RIPOR2: variants seen among roughly 807,000 people sequenced by gnomAD.
RIPOR2 encodes rho family-interacting cell polarization regulator 2.
A neutral mutation model predicts 114.5 loss-of-function variants in RIPOR2; 39 were observed. The ratio of observed to expected loss-of-function variants is 0.34; its 90% confidence interval spans 0.26 to 0.44. The LOEUF (loss-of-function observed/expected upper bound fraction) is 0.44, where lower values mean the gene tolerates loss of function less well. RIPOR2 is among the 20% of genes least tolerant of loss of function. RIPOR2 has a pLI of 1.00. For synonymous variants in RIPOR2, 445 were observed against 484.4 expected, an observed-to-expected ratio of 0.92 and a Z score of 1.07; for missense variants, 1,007 against 1,255.1, an observed-to-expected ratio of 0.80 and a Z score of 2.99.
At chr6:24,934,777 A>G (rs896977946) in intron 1 of RIPOR2, among the ~76,000 whole-genome samples, 2 of 152,224 alleles carry the variant, frequency 1.3e-5, no homozygotes, top group African/African-American at 4.8e-5. Context: ...CATAGGCAGC[A>G]TTTGAACAAA....
intron 2 of RIPOR2, among the ~76,000 whole-genome samples, chr6:24,874,436 T>C (rs1340557007): frequency 1.3e-5 from 2 of 152,194 alleles, no homozygotes; most frequent in African/African-American, 4.8e-5. Flanking sequence ...AATCATCTTG[T>C]GTTCACACTA....
intron 1 of RIPOR2, among the ~76,000 whole-genome samples, chr6:24,984,410 C>G (rs532495923): frequency 6.6e-6 from 1 of 152,178 alleles, no homozygotes; most frequent in East Asian, 1.9e-4. Flanking sequence ...AAAGAACCTT[C>G]TAACACACAT....
At chr6:24,983,342 C>T (rs4336436) in intron 1 of RIPOR2, among the ~76,000 whole-genome samples, 151,283 of 152,202 alleles carry the variant, frequency 0.99, 75,186 homozygotes, top group East Asian at 1. Flanking sequence ...AATGACTAAT[C>T]GTAATATATG....
At chr6:25,023,554 C>A in intron 1 of RIPOR2, 1 of 773,064 alleles carries the variant, frequency 1.3e-6, no homozygotes, top group Non-Finnish European at 2.4e-6. Context: ...ATTTCAAGCC[C>A]AGGCCTTGTT....
chr6:24,900,753 G>A (rs79976718), intron 1 of RIPOR2, among the ~76,000 whole-genome samples: 15,885 of 152,198 alleles, frequency 0.1, 1,206 homozygotes, highest in African/African-American at 0.21. Context: ...GTGAGACTCT[G>A]TAGTTTTCTG....
At chr6:25,013,325 G>C (rs532581936) in intron 1 of RIPOR2, among the ~76,000 whole-genome samples, 1 of 152,052 alleles carries the variant, frequency 6.6e-6, no homozygotes, top group Non-Finnish European at 1.5e-5. Context: ...TGAAGACCAC[G>C]GGTGTTCCTT....
chr6:24,870,592 G>A (rs1342866241), intron 5 of RIPOR2, among the ~76,000 whole-genome samples: 1 of 152,048 alleles, frequency 6.6e-6, no homozygotes, highest in Non-Finnish European at 1.5e-5. Flanking sequence ...CTGCTGCCTC[G>A]ACCTCCTGGC....
chr6:24,825,085 A>C, intron 19 of RIPOR2, 141 bp downstream of exon 19: 1 of 646,890 alleles, frequency 1.5e-6, no homozygotes, highest in Non-Finnish European at 2.6e-6. Context: ...ATATTTCTTT[A>C]GTTTTGATTG....
At chr6:24,976,418 C>T in intron 1 of RIPOR2, 1 of 1,542,652 alleles carries the variant, frequency 6.5e-7, no homozygotes, top group South Asian at 1.1e-5. Context: ...TGCTATTAGC[C>T]ATGGTCAACC....
intron 8 of RIPOR2, among the ~76,000 whole-genome samples, chr6:24,855,865 C>G (rs1264819266): frequency 6.6e-6 from 1 of 152,152 alleles, no homozygotes; most frequent in Non-Finnish European, 1.5e-5. Flanking sequence ...GAGACCCTAT[C>G]TCTACGAAAA....
intron 1 of RIPOR2, among the ~76,000 whole-genome samples, chr6:25,039,627 ATT>A (rs2113779996): frequency 6.6e-6 from 1 of 152,320 alleles, no homozygotes; most frequent in South Asian, 2.1e-4. Context: ...GATAACTCTT[ATT>A]TTAAGAGTAT....
chr6:24,925,735 G>A (rs893892268), intron 1 of RIPOR2, among the ~76,000 whole-genome samples: 2 of 151,892 alleles, frequency 1.3e-5, no homozygotes, highest in African/African-American at 4.8e-5. Flanking sequence ...TCCATTCTTG[G>A]TCTATCCTGC....
chr6:24,840,350 C>T, intron 13 of RIPOR2: 1 of 1,107,400 alleles, frequency 9.0e-7, no homozygotes. Flanking sequence ...GGAACAAGTC[C>T]CACCACTTCC....
chr6:24,811,045 T>C (rs1299684936), intron 20 of RIPOR2, among the ~76,000 whole-genome samples: 5 of 152,032 alleles, frequency 3.3e-5, no homozygotes, highest in South Asian at 2.1e-4. Flanking sequence ...CCTCAGGTGA[T>C]CCACCGGCCT....
chr6:25,041,224 C>G (rs1582003098), intron 1 of RIPOR2, among the ~76,000 whole-genome samples: 2 of 152,342 alleles, frequency 1.3e-5, no homozygotes, highest in African/African-American at 4.8e-5. Flanking sequence ...AAATAAACAT[C>G]TCTAAAAACA....
intron 1 of RIPOR2, among the ~76,000 whole-genome samples, chr6:24,876,116 C>A (rs1319240285): frequency 6.6e-6 from 1 of 152,012 alleles, no homozygotes; most frequent in East Asian, 1.9e-4. Context: ...CCTGGTGAAA[C>A]CCCATCTCTA....
At chr6:24,823,351 A>C (rs1174906088) in intron 19 of RIPOR2, among the ~76,000 whole-genome samples, 1 of 152,204 alleles carries the variant, frequency 6.6e-6, no homozygotes, top group African/African-American at 2.4e-5. Context: ...GTCTTAGTCA[A>C]GTTTAACTCC....
In RIPOR2 at chr6:25,040,880, C is replaced by T. The variant is rs1017487385; in HGVS notation, c.76+971G>A. Among the ~76,000 whole-genome samples, 7 of 152,138 alleles carry T rather than the reference C, an allele frequency of 4.6e-5. No homozygotes were observed. In the East Asian group the frequency reaches 9.6e-4, roughly 21 times the overall value. On this transcript the variant is annotated intron_variant, in intron 1 of 13. Transcript: ENST00000510784. ...TGCTGGGATTACAGGCATGAGCTAC[C>T]GCATCTGCCTGCTTTTTTTGAAAAA...
chr6:24,836,148 T>G (rs1202083524), intron 14 of RIPOR2: 2 of 394,998 alleles, frequency 5.1e-6, no homozygotes, highest in Non-Finnish European at 9.5e-6. Context: ...CCCAGAAGTC[T>G]TTGAAACATG....
Sources: allele counts gnomAD v4.1 joint callset (sites outside exome capture counted in the v4.1 genomes callset), GRCh38; gene constraint gnomAD v4.1.1; transcripts MANE v1.5; gene names NCBI Gene and HGNC (gene_info 2026-07-23, HGNC 2026-07-21).